PARD3B: variants seen among roughly 807,000 people sequenced by gnomAD.
PARD3B encodes partitioning defective 3 homolog B.
In PARD3B, 103 loss-of-function variants were observed where a neutral mutation model predicts 130.2. That is an observed-to-expected ratio of 0.79 (90% CI 0.67 to 0.93). PARD3B has a LOEUF of 0.93. Among genes scored for constraint, PARD3B ranks in the 40% least tolerant of loss-of-function variants. PARD3B has a pLI of 0.00. For missense variants in PARD3B, 1,609 were observed against 1,499.2 expected, an observed-to-expected ratio of 1.07 and a Z score of -1.21; for synonymous variants, 583 against 553.2, an observed-to-expected ratio of 1.05 and a Z score of -0.76.
At chr2:204,595,109 C>G (rs2033229992) in intron 1 of PARD3B, among the ~76,000 whole-genome samples, 1 of 152,082 alleles carries the variant, frequency 6.6e-6, no homozygotes, top group South Asian at 2.1e-4. Flanking sequence ...CCTGTTTGAC[C>G]CTTGGTGTAC....
chr2:204,746,502 T>C (rs1450046677), intron 2 of PARD3B, among the ~76,000 whole-genome samples: 1 of 152,104 alleles, frequency 6.6e-6, no homozygotes, highest in Non-Finnish European at 1.5e-5. Flanking sequence ...TACCCAGTAA[T>C]GGGATGGCTG....
At chr2:204,989,213 A>G (rs1009411745) in intron 3 of PARD3B, among the ~76,000 whole-genome samples, 3 of 152,170 alleles carry the variant, frequency 2.0e-5, no homozygotes, top group Non-Finnish European at 4.4e-5. Context: ...GGGATTGACC[A>G]GGCAAGTGGA....
chr2:204,908,766 TA>T (rs1474378051), intron 2 of PARD3B, among the ~76,000 whole-genome samples: 1 of 152,196 alleles, frequency 6.6e-6, no homozygotes, highest in Non-Finnish European at 1.5e-5. Flanking sequence ...CAGTAGTAGA[TA>T]CTAAAGACCC....
At chr2:204,582,647 A>G (rs2032621707) in intron 1 of PARD3B, among the ~76,000 whole-genome samples, 1 of 152,016 alleles carries the variant, frequency 6.6e-6, no homozygotes, top group African/African-American at 2.4e-5. Flanking sequence ...CCCTCCTTGC[A>G]TTTCTCCCAC....
At chr2:204,553,628 ATG>A (rs1234520203) in intron 1 of PARD3B, among the ~76,000 whole-genome samples, 1 of 137,018 alleles carries the variant, frequency 7.3e-6, no homozygotes, top group African/African-American at 2.8e-5. Flanking sequence ...ATACATATAT[ATG>A]GATATATATT....
At chr2:204,834,356 A>G (rs1010639480) in intron 2 of PARD3B, among the ~76,000 whole-genome samples, 3 of 152,220 alleles carry the variant, frequency 2.0e-5, no homozygotes, top group African/African-American at 7.2e-5. Flanking sequence ...AGAGGAAGTA[A>G]TAAGAATATG....
At chr2:205,459,455 A>G (rs2048377332) in intron 20 of PARD3B, among the ~76,000 whole-genome samples, 1 of 152,180 alleles carries the variant, frequency 6.6e-6, no homozygotes, top group South Asian at 2.1e-4. Context: ...CGTTGTTAGA[A>G]GGATAAAAAG....
chr2:204,718,630 A>G (rs2038852418), intron 2 of PARD3B, among the ~76,000 whole-genome samples: 1 of 152,198 alleles, frequency 6.6e-6, no homozygotes, highest in Non-Finnish European at 1.5e-5. Flanking sequence ...CTGACTTTGC[A>G]TGTGACCTCC....
chr2:205,481,502 A>G (rs1371894775), intron 20 of PARD3B, among the ~76,000 whole-genome samples: 1 of 152,184 alleles, frequency 6.6e-6, no homozygotes, highest in African/African-American at 2.4e-5. Context: ...GGCTCGTGGA[A>G]GAAGGAATGC....
chr2:204,999,646 A>G (rs994979051), intron 3 of PARD3B, among the ~76,000 whole-genome samples: 6 of 152,176 alleles, frequency 3.9e-5, no homozygotes, highest in African/African-American at 1.4e-4. Flanking sequence ...TCTCCTATAC[A>G]TTAAAGTGGT....
At chr2:205,013,616 C>A (rs527985574) in intron 3 of PARD3B, among the ~76,000 whole-genome samples, 12 of 152,256 alleles carry the variant, frequency 7.9e-5, no homozygotes, top group African/African-American at 2.9e-4. Flanking sequence ...ATGCCCACTT[C>A]ACAAATTTAA....
chr2:205,350,029 G>A (rs2095747110), intron 18 of PARD3B, among the ~76,000 whole-genome samples: 1 of 152,016 alleles, frequency 6.6e-6, no homozygotes, highest in African/African-American at 2.4e-5. Context: ...GGGTTCATCT[G>A]GCTCCCCTTC....
chr2:205,509,300 G>A (rs12474620), intron 21 of PARD3B, among the ~76,000 whole-genome samples: 61,017 of 151,814 alleles, frequency 0.4, 12,804 homozygotes, highest in Admixed American at 0.5. Context: ...GTAACCTTGT[G>A]CTAATCCCAG....
intron 20 of PARD3B, among the ~76,000 whole-genome samples, chr2:205,481,303 T>C (rs1294223873): frequency 1.3e-5 from 2 of 152,128 alleles, no homozygotes; most frequent in Non-Finnish European, 2.9e-5. Context: ...AGAGCTTCAC[T>C]GGAGACTGGA....
intron 21 of PARD3B, among the ~76,000 whole-genome samples, chr2:205,547,498 G>T (rs1009925798): frequency 1.3e-5 from 2 of 152,116 alleles, no homozygotes; most frequent in Non-Finnish European, 2.9e-5. Context: ...AAACTTCTTG[G>T]ATAAGCTTTC....
intron 2 of PARD3B, among the ~76,000 whole-genome samples, chr2:204,771,581 C>T (rs2041384800): frequency 6.6e-6 from 1 of 152,064 alleles, no homozygotes; most frequent in Non-Finnish European, 1.5e-5. Flanking sequence ...TGCTCACCAC[C>T]TGGGTGATGG....
intron 2 of PARD3B, among the ~76,000 whole-genome samples, chr2:204,732,995 T>A (rs2039582540): frequency 6.6e-6 from 1 of 151,744 alleles, no homozygotes; most frequent in Non-Finnish European, 1.5e-5. Flanking sequence ...TGATGGTGCT[T>A]TTTTTTTACT....
intron 18 of PARD3B, among the ~76,000 whole-genome samples, chr2:205,389,079 T>G (rs1162495654): frequency 6.6e-6 from 1 of 152,208 alleles, no homozygotes. Flanking sequence ...TTGTTGGCCC[T>G]AGAAGAGTCA....
intron 19 of PARD3B, among the ~76,000 whole-genome samples, chr2:205,424,028 C>A (rs568786099): frequency 6.6e-6 from 1 of 152,204 alleles, no homozygotes; most frequent in Admixed American, 6.5e-5. Context: ...TACAAAGGCC[C>A]ATAACACAGA....
Sources: allele counts gnomAD v4.1 joint callset (sites outside exome capture counted in the v4.1 genomes callset), GRCh38; gene constraint gnomAD v4.1.1; transcripts MANE v1.5; gene names NCBI Gene and HGNC (gene_info 2026-07-23, HGNC 2026-07-21).